Variants in HMCN1 observed in about 807,000 individuals in gnomAD.
The protein encoded by HMCN1 is hemicentin-1.
In HMCN1, 321 loss-of-function variants were observed where a neutral mutation model predicts 625.9. That is an observed-to-expected ratio of 0.51 (90% CI 0.47 to 0.56). The LOEUF (loss-of-function observed/expected upper bound fraction) is 0.56. Among genes scored for constraint, HMCN1 ranks in the 20% least tolerant of loss-of-function variants. The pLI is 0.00. For missense variants in HMCN1, 6,588 were observed against 6,887.3 expected (o/e 0.96, Z 1.54); for synonymous variants, 2,425 against 2,417.6 (o/e 1.00, Z -0.09).
intron 30 of HMCN1, among the ~76,000 whole-genome samples, chr1:186,010,943 T>A (rs906018991): frequency 6.6e-6 from 1 of 152,188 alleles, no homozygotes; most frequent in Non-Finnish European, 1.5e-5. Flanking sequence ...ACAAATCTAC[T>A]AATGAGAAAA....
intron 1 of HMCN1, among the ~76,000 whole-genome samples, chr1:185,749,939 G>A (rs1056972200): frequency 6.6e-6 from 1 of 152,140 alleles, no homozygotes; most frequent in African/African-American, 2.4e-5. Context: ...GATTCGCATG[G>A]CTGGCACATC....
At chr1:185,794,523 T>C (rs545705317) in intron 1 of HMCN1, among the ~76,000 whole-genome samples, 167 of 151,350 alleles carry the variant, frequency 1.1e-3, no homozygotes, top group African/African-American at 3.8e-3. Context: ...AACTTGGAGT[T>C]TGATGTTCAA....
chr1:186,011,336 GC>G (rs1653989404), intron 30 of HMCN1, among the ~76,000 whole-genome samples: 2 of 152,152 alleles, frequency 1.3e-5, no homozygotes, highest in Non-Finnish European at 2.9e-5. Flanking sequence ...GAGCCATCGC[GC>G]CCAGCCTACT....
At chr1:186,157,949 T>C (rs1335454896) in intron 97 of HMCN1, among the ~76,000 whole-genome samples, 3 of 152,156 alleles carry the variant, frequency 2.0e-5, no homozygotes, top group South Asian at 4.2e-4. Flanking sequence ...CCTTTGGGTA[T>C]ATACCCAGTA....
rs1048613080 is a variant in HMCN1 at position 185,951,280 on chromosome 1, C to G, written c.1829-11238C>G. Among the ~76,000 whole-genome samples, 24 of 151,262 alleles carry G rather than the reference C, an allele frequency of 1.6e-4. No individual in the cohort carries two copies. The East Asian group carries it at 4.3e-3, about 27-fold the overall frequency. On this transcript the variant is annotated intron_variant, in intron 11 of 106. Coordinates refer to ENST00000271588, the MANE Select transcript of HMCN1 (RefSeq NM_031935.3). ...AAGGTGTCTCAGCCTAATAAGGGAA[C>G]TGGGCAGGTGGGGATAACTAAAAAG...
intron 98 of HMCN1, 35 bp from the exon 99 acceptor site, chr1:186,166,149 C>G: frequency 6.2e-7 from 1 of 1,612,684 alleles, no homozygotes; most frequent in Non-Finnish European, 8.5e-7. Flanking sequence ...AAGGATTTTA[C>G]ATACTGATTT....
At chr1:186,101,382 A>G (rs1396524415) in intron 68 of HMCN1, among the ~76,000 whole-genome samples, 3 of 152,010 alleles carry the variant, frequency 2.0e-5, no homozygotes, top group Non-Finnish European at 4.4e-5. Flanking sequence ...AAAATACTGG[A>G]AAAAAACAAG....
In HMCN1 at chr1:185,962,554, C is replaced by T. The variant is rs1363687582; in HGVS notation, c.1865C>T (p.Ser622Phe). The T allele has an allele frequency of 1.9e-6, 3 of 1,612,832 alleles. No homozygotes were observed. In the Admixed American group the frequency reaches 5.0e-5, roughly 27 times the overall value. ...PKVTVMPKNQ[S>F]FTGGSEVSIM... ...GTCACTGTGATGCCCAAGAATCAGTCTTTCACAGGAGGGTCTGAGGTCTCC... is the reference window on the plus strand; with the variant it reads ...GTCACTGTGATGCCCAAGAATCAGTTTTTCACAGGAGGGTCTGAGGTCTCC... Residue 622 changes from serine (S) to phenylalanine (F), a missense_variant, in exon 12 of 107, where the codon TCT (serine) becomes TTT (phenylalanine). Physicochemically the swap from Ser to Phe is radical, Grantham distance 155 (BLOSUM62 -2). Transcript: ENST00000271588.
At chr1:185,872,093 G>A (rs995158478) in intron 4 of HMCN1, among the ~76,000 whole-genome samples, 1 of 152,194 alleles carries the variant, frequency 6.6e-6, no homozygotes. Flanking sequence ...TGAAAACAAT[G>A]TGTAAATGTT....
chr1:186,047,794 C>A (rs2102260141), intron 41 of HMCN1, among the ~76,000 whole-genome samples: 1 of 152,182 alleles, frequency 6.6e-6, no homozygotes. Flanking sequence ...CTCTTTCAAG[C>A]CTAATATTCT....
chr1:185,924,108 T>C (rs766075551), intron 8 of HMCN1, among the ~76,000 whole-genome samples: 4 of 151,798 alleles, frequency 2.6e-5, no homozygotes, highest in Non-Finnish European at 5.9e-5. Flanking sequence ...TGCTACTATG[T>C]AGAGAGGAGA....
chr1:185,949,995 A>G (rs1376672644), intron 11 of HMCN1, among the ~76,000 whole-genome samples: 1 of 151,546 alleles, frequency 6.6e-6, no homozygotes, highest in African/African-American at 2.4e-5. Flanking sequence ...CTATAGCATA[A>G]CCTGCCTTTG....
chr1:185,807,071 G>C (rs1659219810), intron 1 of HMCN1, among the ~76,000 whole-genome samples: 1 of 152,070 alleles, frequency 6.6e-6, no homozygotes, highest in African/African-American at 2.4e-5. Flanking sequence ...AATGTTTAAA[G>C]TTTTAGCTCC....
intron 97 of HMCN1, among the ~76,000 whole-genome samples, chr1:186,161,207 T>C (rs1335940155): frequency 1.3e-5 from 2 of 150,384 alleles, no homozygotes; most frequent in African/African-American, 4.9e-5. Context: ...TCTTTGTTGG[T>C]TTAAAGTCTG....
chr1:186,132,524 G>A, intron 86 of HMCN1, 115 bp downstream of exon 86: 1 of 830,808 alleles, frequency 1.2e-6, no homozygotes, highest in East Asian at 2.7e-5. Context: ...CTCAGAGTGT[G>A]TCTAATTTAG....
intron 86 of HMCN1, among the ~76,000 whole-genome samples, chr1:186,134,217 C>T (rs529569052): frequency 6.6e-6 from 1 of 152,122 alleles, no homozygotes; most frequent in South Asian, 2.1e-4. Flanking sequence ...GAAATTAATT[C>T]AATTGAAGTA....
At chr1:186,084,891 G>A (rs1008255819) in intron 57 of HMCN1, among the ~76,000 whole-genome samples, 11 of 152,048 alleles carry the variant, frequency 7.2e-5, no homozygotes, top group Non-Finnish European at 1.3e-4. Flanking sequence ...TGAAAAAGGC[G>A]AGGCTCGGTG....
chr1:185,902,407 C>A lies in HMCN1; in HGVS notation c.622-6930C>A, dbSNP rs1279793311. On this transcript the variant is annotated intron_variant, in intron 4 of 106. Transcript: ENST00000271588. ...TATCTATCTATCTATCTATCTATCT[C>A]TATCTATCTATCTATCTATCTATCT... 8.3e-3 allele frequency among the ~76,000 whole-genome samples: 640 copies of A among 76,746 alleles called. 3 individuals are homozygous for A. Among genetic ancestry groups the A allele is most frequent in the African/African-American group, 0.033 (365 of 11,182 alleles). The allele number at this position is 76,746 out of a possible 152,430, so 50.3% of individuals were successfully genotyped here.
intron 95 of HMCN1, 132 bp from the exon 96 acceptor site, chr1:186,152,618 G>T: frequency 1.9e-6 from 2 of 1,052,980 alleles, no homozygotes; most frequent in Non-Finnish European, 2.9e-6. Context: ...TGCTATTTCA[G>T]TTCTCATCAT....
Sources: allele counts gnomAD v4.1 joint callset (sites outside exome capture counted in the v4.1 genomes callset), GRCh38; gene constraint gnomAD v4.1.1; transcripts MANE v1.5; gene names NCBI Gene and HGNC (gene_info 2026-07-23, HGNC 2026-07-21).